BCOR: variants seen among roughly 807,000 people sequenced by gnomAD.
BCOR encodes BCL6 corepressor.
In BCOR, 10 loss-of-function variants were observed where a neutral mutation model predicts 86.7. That is an observed-to-expected ratio of 0.12 (90% CI 0.07 to 0.20). BCOR has a LOEUF of 0.20. BCOR is among the 10% of genes least tolerant of loss of function. BCOR has a pLI of 1.00. For missense variants in BCOR, 1,259 were observed against 1,452.1 expected (o/e 0.87, Z 2.16); for synonymous variants, 611 against 609.0 (o/e 1.00, Z -0.05).
At chrX:40,147,266 A>C (rs1377659047) in intron 1 of BCOR, among the ~76,000 whole-genome samples, 1 of 112,686 alleles carries the variant, frequency 8.9e-6, no homozygotes. Context: ...TCTGCCGCAG[A>C]AATGTTCCCC....
chrX:40,099,294 C>T (rs1366122033), upstream of BCOR, among the ~76,000 whole-genome samples: 1 of 111,805 alleles, frequency 8.9e-6, no homozygotes, highest in Non-Finnish European at 1.9e-5. Context: ...GCCTCAAGGG[C>T]GAGCCGAGAA....
At chrX:40,067,935 T>C (rs996441959) in intron 6 of BCOR, 2 of 111,726 alleles carry the variant, frequency 1.8e-5, no homozygotes, top group African/African-American at 6.5e-5. Flanking sequence ...TAGACAGAGA[T>C]GAAGGGATAG....
Position 40,141,447 on chromosome X carries a change from C to T in BCOR, c.-41+35560G>A, listed in dbSNP as rs779113811. Among the ~76,000 whole-genome samples the T allele has an allele frequency of 2.1e-4, 24 of 112,527 alleles. 1 individual carries two copies. In the South Asian group the frequency reaches 8.8e-3, roughly 41 times the overall value. On this transcript the variant is annotated intron_variant, in intron 1 of 14. Coordinates refer to the BCOR transcript ENST00000342274. Reference sequence around the variant, plus strand: ...AGGCCAGATGGCTTGAGGAAGGGCACCTGTGATCACACTGAGAGCGCCCCA... The same window carrying T: ...AGGCCAGATGGCTTGAGGAAGGGCATCTGTGATCACACTGAGAGCGCCCCA...
chrX:40,084,370 C>A (rs1936251906), intron 1 of BCOR, among the ~76,000 whole-genome samples: 1 of 112,039 alleles, frequency 8.9e-6, no homozygotes. Context: ...CACTTTCCTT[C>A]ATGGTTTTGC....
At chrX:40,118,993 C>CA (rs1273790066) in intron 1 of BCOR, among the ~76,000 whole-genome samples, 1 of 111,683 alleles carries the variant, frequency 9.0e-6, no homozygotes, top group Non-Finnish European at 1.9e-5. Context: ...CCACCACGCC[C>CA]AGCTAATTTT....
chrX:40,105,600 G>A (rs1184600114), intron 1 of BCOR, among the ~76,000 whole-genome samples: 3 of 112,656 alleles, frequency 2.7e-5, no homozygotes, highest in Admixed American at 1.8e-4. Context: ...GGGACCGGAG[G>A]GGCGCGGAGC....
At chrX:40,095,545 AAAT>A (rs751033216) in intron 1 of BCOR, among the ~76,000 whole-genome samples, 2 of 110,771 alleles carry the variant, frequency 1.8e-5, no homozygotes, top group Non-Finnish European at 3.8e-5. Context: ...CCCTAGAACC[AAAT>A]ACCACACTAC....
At chrX:40,108,425 C>T (rs942166382) in intron 1 of BCOR, among the ~76,000 whole-genome samples, 1 of 113,642 alleles carries the variant, frequency 8.8e-6, no homozygotes, top group African/African-American at 3.2e-5. Flanking sequence ...TCATTAACTC[C>T]CAAGCGAGGC....
chrX:40,160,454 T>G (rs1602276143), intron 1 of BCOR, among the ~76,000 whole-genome samples: 1 of 100,014 alleles, frequency 1.0e-5, no homozygotes, highest in Non-Finnish European at 2.0e-5. Flanking sequence ...TGAGATGTAG[T>G]CTCACTCTGT....
chrX:40,161,506 C>CTTTT (rs749528691), intron 1 of BCOR, among the ~76,000 whole-genome samples: 9 of 55,977 alleles, frequency 1.6e-4, no homozygotes, highest in African/African-American at 3.3e-4. Context: ...CGATTCTCCC[C>CTTTT]TTTTTTTTTT....
intron 1 of BCOR, among the ~76,000 whole-genome samples, chrX:40,155,639 G>T (rs1433451240): frequency 8.9e-6 from 1 of 112,090 alleles, no homozygotes; most frequent in African/African-American, 3.2e-5. Flanking sequence ...AGTAGGGAGG[G>T]GGTGTGGGGG....
intron 1 of BCOR, among the ~76,000 whole-genome samples, chrX:40,156,987 C>T (rs1267345225): frequency 8.8e-6 from 1 of 113,556 alleles, no homozygotes; most frequent in Non-Finnish European, 1.9e-5. Flanking sequence ...CCCTGGCCAC[C>T]CGAGCTAACG....
At chrX:40,148,723 C>A (rs1239987850) in intron 1 of BCOR, among the ~76,000 whole-genome samples, 1 of 111,093 alleles carries the variant, frequency 9.0e-6, no homozygotes, top group Admixed American at 9.6e-5. Flanking sequence ...GCCGCGGCAG[C>A]CTCACCACCA....
intron 1 of BCOR, among the ~76,000 whole-genome samples, chrX:40,172,905 CACCTCCGGCGG>C (rs1938660415): frequency 8.9e-6 from 1 of 112,914 alleles, no homozygotes; most frequent in Admixed American, 9.3e-5. Flanking sequence ...AGTCCCCAGT[CACCTCCGGCGG>C]ACGTGACCGC....
At chrX:40,106,134 G>C (rs1279808770) in intron 1 of BCOR, among the ~76,000 whole-genome samples, 1 of 111,743 alleles carries the variant, frequency 8.9e-6, no homozygotes, top group Non-Finnish European at 1.9e-5. Context: ...TCTCCTCCGT[G>C]TCCGGAGGAG....
chrX:40,106,351 G>A (rs1233321864), intron 1 of BCOR, among the ~76,000 whole-genome samples: 4 of 112,544 alleles, frequency 3.6e-5, no homozygotes, highest in Non-Finnish European at 7.5e-5. Flanking sequence ...TTACCCGGCG[G>A]GCGGGGGGCG....
chrX:40,159,638 C>T (rs768012953), intron 1 of BCOR, among the ~76,000 whole-genome samples: 7 of 111,476 alleles, frequency 6.3e-5, no homozygotes, highest in Non-Finnish European at 1.3e-4. Context: ...GCGTGAGCCA[C>T]CGCGCCCGGC....
At chrX:40,168,469 T>C (rs1336087294) in intron 1 of BCOR, among the ~76,000 whole-genome samples, 3 of 113,110 alleles carry the variant, frequency 2.7e-5, no homozygotes, top group Admixed American at 9.2e-5. Context: ...ACTCCGGACT[T>C]GGTCCGGGTG....
rs765205767 is a variant in BCOR at position 40,093,916 on chromosome X, C to G, written c.-41+3299G>C. Reference sequence around the variant, plus strand: ...TTCATTGTGTGTGTTCACAGCTCCCCGACTGAGAAATACCTGGTCAAACTA... The same window carrying G: ...TTCATTGTGTGTGTTCACAGCTCCCGGACTGAGAAATACCTGGTCAAACTA... On this transcript the variant is annotated intron_variant, in intron 1 of 14. Coordinates refer to ENST00000378444, the MANE Select transcript of BCOR (RefSeq NM_001123385.2). Among the ~76,000 whole-genome samples, 17 of 111,546 alleles carry G rather than the reference C, an allele frequency of 1.5e-4. No homozygotes were observed. In the South Asian group the frequency reaches 1.9e-3, roughly 12 times the overall value.
Sources: allele counts gnomAD v4.1 joint callset (sites outside exome capture counted in the v4.1 genomes callset), GRCh38; gene constraint gnomAD v4.1.1; transcripts MANE v1.5; gene names NCBI Gene and HGNC (gene_info 2026-07-23, HGNC 2026-07-21).